Variants in OSBPL1A observed in about 807,000 individuals in gnomAD.
OSBPL1A encodes the protein oxysterol binding protein like 1A, also known as oxysterol-binding protein-related protein 1.
A neutral mutation model predicts 137.1 loss-of-function variants in OSBPL1A; 80 were observed. The observed-to-expected ratio is 0.58, with a 90% CI of 0.49 to 0.70. OSBPL1A has a LOEUF of 0.70. OSBPL1A is among the 30% of genes least tolerant of loss of function. The probability of loss-of-function intolerance (pLI) is 0.00; values close to 1 mark genes in which losing one functional copy is unlikely to be tolerated. For missense variants in OSBPL1A, 970 were observed against 1,129.4 expected (o/e 0.86, Z 2.02); for synonymous variants, 365 against 389.7 (o/e 0.94, Z 0.75).
intron 27 of OSBPL1A, among the ~76,000 whole-genome samples, chr18:24,164,594 A>T (rs1168695085): frequency 6.6e-6 from 1 of 151,756 alleles, no homozygotes; most frequent in Admixed American, 6.6e-5. Flanking sequence ...ACGCCCAGCT[A>T]ATTTTTTGTA....
chr18:24,397,783 G>A lies in OSBPL1A; in HGVS notation c.-131C>T, dbSNP rs943434563. 4.6e-5 allele frequency: 7 copies of A among 152,238 alleles called. No homozygotes were observed. The highest frequency in any genetic ancestry group is 1.7e-4 in the African/African-American group (7 of 41,464). 9.4% of individuals were successfully genotyped at this position (152,238 alleles called of 1,614,324 possible). A position where few individuals can be genotyped will look rare whatever the true frequency, so the allele number is the denominator to read the frequency against. ...GCTGGCACTCCCCGAGGACGCTCGA[G>A]CCCGCGTAACGTCTGTCTCCGGGAC... On this transcript the variant is annotated 5_prime_UTR_variant, in exon 1 of 28. Transcript: ENST00000319481.
intron 11 of OSBPL1A, among the ~76,000 whole-genome samples, chr18:24,315,738 T>TAA (rs1443288048): frequency 1.7e-5 from 2 of 120,556 alleles, no homozygotes; most frequent in Admixed American, 1.1e-4. Context: ...TATTATATAA[T>TAA]AAAATATATA....
intron 17 of OSBPL1A, among the ~76,000 whole-genome samples, chr18:24,207,849 G>A (rs1456956502): frequency 2.0e-5 from 3 of 152,244 alleles, no homozygotes; most frequent in African/African-American, 4.8e-5. Context: ...GGGTTCAAGC[G>A]ATTCTCATGC....
intron 4 of OSBPL1A, among the ~76,000 whole-genome samples, chr18:24,344,299 A>C (rs966898733): frequency 7.9e-5 from 12 of 152,146 alleles, no homozygotes; most frequent in Admixed American, 6.5e-4. Context: ...AAAATACAAA[A>C]ATTAGCCGGG....
At chr18:24,386,857 C>T (rs1391016468) in intron 1 of OSBPL1A, among the ~76,000 whole-genome samples, 1 of 151,824 alleles carries the variant, frequency 6.6e-6, no homozygotes, top group East Asian at 1.9e-4. Flanking sequence ...CTCAGGAAGC[C>T]GAGGTGGAAA....
At chr18:24,335,663 T>A (rs1463713399) in intron 5 of OSBPL1A, among the ~76,000 whole-genome samples, 1 of 152,200 alleles carries the variant, frequency 6.6e-6, no homozygotes, top group Non-Finnish European at 1.5e-5. Context: ...GTTTTTCAGG[T>A]CATCCTGACT....
intron 15 of OSBPL1A, among the ~76,000 whole-genome samples, chr18:24,262,624 G>GT (rs1379015029): frequency 6.6e-6 from 1 of 152,106 alleles, no homozygotes; most frequent in Non-Finnish European, 1.5e-5. Context: ...TATGTTAAGT[G>GT]TATGATTCAG....
chr18:24,208,722 G>C (rs1483432060), intron 17 of OSBPL1A, among the ~76,000 whole-genome samples: 1 of 152,134 alleles, frequency 6.6e-6, no homozygotes, highest in Non-Finnish European at 1.5e-5. Flanking sequence ...ACATTGCTGA[G>C]ATCAACTTTA....
intron 14 of OSBPL1A, among the ~76,000 whole-genome samples, chr18:24,298,424 G>A (rs1348087637): frequency 6.6e-6 from 1 of 152,208 alleles, no homozygotes; most frequent in Admixed American, 6.5e-5. Context: ...TTGGCTCACT[G>A]CAACCTCTAC....
chr18:24,334,054 A>T (rs548184121), intron 6 of OSBPL1A, among the ~76,000 whole-genome samples, 191 bp downstream of exon 6: 1 of 152,302 alleles, frequency 6.6e-6, no homozygotes, highest in African/African-American at 2.4e-5. Context: ...ACCATTTAAA[A>T]TGTGTCCTGC....
intron 1 of OSBPL1A, among the ~76,000 whole-genome samples, chr18:24,388,862 C>A (rs1207163133): frequency 6.6e-6 from 1 of 151,748 alleles, no homozygotes; most frequent in Non-Finnish European, 1.5e-5. Flanking sequence ...TAAAACACCC[C>A]CCCACAGATT....
chr18:24,271,521 C>T lies in OSBPL1A; in HGVS notation c.1281+9321G>A. Reference sequence around the variant, plus strand: ...AACTATTCTTGGATCTACTCACATCCCTGGATCAAGTCTGGCCGCCCTCCC... The same window carrying T: ...AACTATTCTTGGATCTACTCACATCTCTGGATCAAGTCTGGCCGCCCTCCC... On this transcript the variant is annotated intron_variant, in intron 15 of 27. Coordinates refer to ENST00000319481, the MANE Select transcript of OSBPL1A (RefSeq NM_080597.4). The surrounding 1 kb of genome is among the most constrained non-coding windows in gnomAD (Gnocchi z 4.0). 1.0e-6 allele frequency: 1 copy of T among 976,754 alleles called. No homozygotes were observed. Among genetic ancestry groups the T allele is most frequent in the Non-Finnish European group, 1.2e-6 (1 of 821,996 alleles). 60.5% of individuals were successfully genotyped at this position (976,754 alleles called of 1,614,324 possible). A position where few individuals can be genotyped will look rare whatever the true frequency, so the allele number is the denominator to read the frequency against.
At chr18:24,333,698 C>T (rs1312839495) in intron 6 of OSBPL1A, among the ~76,000 whole-genome samples, 1 of 152,162 alleles carries the variant, frequency 6.6e-6, no homozygotes, top group Non-Finnish European at 1.5e-5. Context: ...TTTAATGAGA[C>T]TGTGCAGGAA....
At chr18:24,317,286 A>T (rs1205491719) in intron 10 of OSBPL1A, 41 bp downstream of exon 10, 1 of 1,608,058 alleles carries the variant, frequency 6.2e-7, no homozygotes, top group African/African-American at 1.3e-5. Flanking sequence ...TTCAAAATTT[A>T]TACAGTGAAA....
At chr18:24,269,622 T>A (rs999699877) in intron 15 of OSBPL1A, among the ~76,000 whole-genome samples, 1 of 152,162 alleles carries the variant, frequency 6.6e-6, no homozygotes, top group Admixed American at 6.5e-5. Context: ...TAAAAATGTA[T>A]AGGGGTTACA....
intron 7 of OSBPL1A, among the ~76,000 whole-genome samples, chr18:24,328,102 CGCAATCTTGGCTCACT>C (rs2091012492): frequency 7.3e-6 from 1 of 137,338 alleles, no homozygotes; most frequent in African/African-American, 2.7e-5. Flanking sequence ...AGTGTAGTGG[CGCAATCTTGGCTCACT>C]GCAACCTTCA....
intron 16 of OSBPL1A, among the ~76,000 whole-genome samples, chr18:24,232,765 T>G (rs1040662193): frequency 6.6e-6 from 1 of 152,226 alleles, no homozygotes; most frequent in African/African-American, 2.4e-5. Context: ...CAACATTTAC[T>G]AAGTACCTAC....
chr18:24,311,638 GA>G (rs1209644116), intron 13 of OSBPL1A: 2 of 396,748 alleles, frequency 5.0e-6, no homozygotes, highest in African/African-American at 4.3e-5. Flanking sequence ...AATGTGCAGT[GA>G]AGTCATAAAG....
In OSBPL1A at chr18:24,318,661, T is replaced by C. The variant is rs779131172; in HGVS notation, c.688-16A>G. 1 of 1,608,790 alleles carries C rather than the reference T, an allele frequency of 6.2e-7. No homozygotes were observed. The highest frequency in any genetic ancestry group is 2.2e-5 in the East Asian group (1 of 44,820). ...TGTAGATGACCTGTCAAAAACATGTTTTCATGAAAAATGCATCTACATATT... is the reference window on the plus strand; with the variant it reads ...TGTAGATGACCTGTCAAAAACATGTCTTCATGAAAAATGCATCTACATATT... On this transcript the variant is annotated splice_polypyrimidine_tract_variant and intron_variant, in intron 8 of 27. Transcript: ENST00000319481.
Sources: gnomAD v4.1 joint callset for allele counts (sites outside exome capture counted in the v4.1 genomes callset) on GRCh38, gnomAD v4.1.1 for gene constraint, Gnocchi (gnomAD v3.1) non-coding constraint, MANE v1.5 for transcripts, NCBI Gene and HGNC (gene_info 2026-07-23, HGNC 2026-07-21) for gene names.